Variants in BRIP1 observed in about 807,000 individuals in gnomAD.
BRIP1 encodes the protein Fanconi anemia group J protein.
A neutral mutation model predicts 119.7 loss-of-function variants in BRIP1; 88 were observed. The observed-to-expected ratio is 0.74, with a 90% CI of 0.62 to 0.88. The LOEUF (loss-of-function observed/expected upper bound fraction) is 0.88. Ranked by LOEUF, BRIP1 falls within the 40% of genes least tolerant of loss-of-function variation. The probability of loss-of-function intolerance (pLI) is 0.00; values close to 1 mark genes in which losing one functional copy is unlikely to be tolerated. For missense variants in BRIP1, 1,259 were observed against 1,455.4 expected, an observed-to-expected ratio of 0.87 and a Z score of 2.20; for synonymous variants, 443 against 496.5, an observed-to-expected ratio of 0.89 and a Z score of 1.43.
At position 61,825,846 on chromosome 17, in the gene BRIP1, C is replaced by T. The variant is rs909861984; in HGVS notation, c.628-17089G>A. On this transcript the variant is annotated intron_variant, in intron 6 of 19. Transcript: ENST00000259008. The surrounding 1 kb of genome is among the most constrained non-coding windows in gnomAD (Gnocchi z 4.1). ...TACTGCCCAAAGCAATTTACAGATT[C>T]AATGCTATTCCTATTAAACTACCAC... 6.6e-6 allele frequency among the ~76,000 whole-genome samples: 1 copy of T among 151,948 alleles called. No individual in the cohort carries two copies. Among genetic ancestry groups the T allele is most frequent in the Non-Finnish European group, 1.5e-5 (1 of 67,996 alleles).
rs1055514224 is a variant in BRIP1 at position 61,798,054 on chromosome 17, T to C, written c.1340+1046A>G. ...AATTCCACTTCTAAAAAGATTCCTA[T>C]AGATATATTTGCATACAAATGAAAT... On this transcript the variant is annotated intron_variant, in intron 9 of 19. Transcript: ENST00000259008. The surrounding 1 kb of genome is among the most constrained non-coding windows in gnomAD (Gnocchi z 5.5). Among the ~76,000 whole-genome samples, 15 of 152,024 alleles carry C rather than the reference T, an allele frequency of 9.9e-5. No homozygotes were observed. Among genetic ancestry groups the C allele is most frequent in the Non-Finnish European group, 1.6e-4 (11 of 67,904 alleles).
chr17:61,755,471 ACTGC>A lies in BRIP1; in HGVS notation c.2098-10884_2098-10881del. Among the ~76,000 whole-genome samples the A allele has an allele frequency of 6.6e-6, 1 of 152,138 alleles. No individual in the cohort carries two copies. Among genetic ancestry groups the A allele is most frequent in the African/African-American group, 2.4e-5 (1 of 41,436 alleles). On this transcript the variant is annotated intron_variant, in intron 14 of 19. Coordinates refer to ENST00000259008, the MANE Select transcript of BRIP1 (RefSeq NM_032043.3). This position sits in a 1 kb window ranked among gnomAD's most constrained non-coding sequence, Gnocchi z 4.5. ...TTACTCAGGAGGCTGAGGTGGGAGG[ACTGC>A]TTGAGCCCTGGAGGTTGAGGCTGCA...
At position 61,776,807 on chromosome 17, in the gene BRIP1, G is replaced by A. The variant is rs117632753; in HGVS notation, c.1936-245C>T. ...TTTGAAAGCAAAACAGGTTGTACCT[G>A]TCTCTGTTTACTTAATAGCTTTGCA... On this transcript the variant is annotated intron_variant, in intron 13 of 19. Coordinates refer to ENST00000259008, the MANE Select transcript of BRIP1 (RefSeq NM_032043.3). The surrounding 1 kb of genome is among the most constrained non-coding windows in gnomAD (Gnocchi z 5.0). Among the ~76,000 whole-genome samples, 218 of 152,258 alleles carry A rather than the reference G, an allele frequency of 1.4e-3. 2 individuals carry two copies. Among genetic ancestry groups the A allele is most frequent in the Non-Finnish European group, 2.6e-3 (175 of 68,024 alleles).
chr17:61,802,643 A>G lies in BRIP1; in HGVS notation c.919-1169T>C, dbSNP rs548963319. ...TAAGCATCTTTTCGTTGCTGCTCAT[A>G]TATGTACATTGAATTAATGTGCCAT... is the stretch of plus-strand genomic sequence containing the variant. On this transcript the variant is annotated intron_variant, in intron 7 of 19. Transcript: ENST00000259008. This position sits in a 1 kb window ranked among gnomAD's most constrained non-coding sequence, Gnocchi z 6.0. Among the ~76,000 whole-genome samples the G allele has an allele frequency of 6.6e-6, 1 of 152,308 alleles. No individual in the cohort carries two copies. The highest frequency in any genetic ancestry group is 1.9e-4 in the East Asian group (1 of 5,186).
Position 61,753,747 on chromosome 17 carries a change from A to G in BRIP1, c.2098-9156T>C, listed in dbSNP as rs1004992393. 7.2e-5 allele frequency among the ~76,000 whole-genome samples: 11 copies of G among 151,926 alleles called. No individual in the cohort carries two copies. Among genetic ancestry groups the G allele is most frequent in the African/African-American group, 2.7e-4 (11 of 41,332 alleles). ...CTCTCAAGTAGCTGGGACTACAGGT[A>G]TGCACTGCCATGTCTGGCTTGAAAA... On this transcript the variant is annotated intron_variant, in intron 14 of 19. Transcript: ENST00000259008. This position sits in a 1 kb window ranked among gnomAD's most constrained non-coding sequence, Gnocchi z 4.6.
rs1437254644 is a variant in BRIP1 at position 61,827,553 on chromosome 17, C to G, written c.628-18796G>C. Among the ~76,000 whole-genome samples the G allele has an allele frequency of 6.6e-6, 1 of 152,072 alleles. No homozygotes were observed. Among genetic ancestry groups the G allele is most frequent in the Non-Finnish European group, 1.5e-5 (1 of 68,006 alleles). On this transcript the variant is annotated intron_variant, in intron 6 of 19. Transcript: ENST00000259008. The surrounding 1 kb of genome is among the most constrained non-coding windows in gnomAD (Gnocchi z 5.8). ...GGCTAGCCTGGCCAACATGGTGAAA[C>G]CCCATCTCTATTAAAAATACAAAAA...
Position 61,820,949 on chromosome 17 carries a change from T to TA in BRIP1, c.628-12193dup, listed in dbSNP as rs779314068. ...TGGGCAACGAAGCGAGACTCTGTCTTAAAAAAAAAAAAAGAAAGAAAGAAA... is the reference window on the plus strand; with the variant it reads ...TGGGCAACGAAGCGAGACTCTGTCTTAAAAAAAAAAAAAAGAAAGAAAGAAA... On this transcript the variant is annotated intron_variant, in intron 6 of 19. Transcript: ENST00000259008. Among the ~76,000 whole-genome samples the TA allele has an allele frequency of 2.7e-3, 382 of 143,896 alleles. 4 individuals carry two copies. Among genetic ancestry groups the TA allele is most frequent in the Non-Finnish European group, 3.5e-3 (229 of 66,160 alleles). The allele number at this position is 143,896 out of a possible 152,430, so 94.4% of individuals were successfully genotyped here. A position where few individuals can be genotyped will look rare whatever the true frequency, so the allele number is the denominator to read the frequency against.
At position 61,738,509 on chromosome 17, in the gene BRIP1, A is replaced by C. The variant is rs2076947463; in HGVS notation, c.2379+4504T>G. On this transcript the variant is annotated intron_variant, in intron 16 of 19. Coordinates refer to ENST00000259008, the MANE Select transcript of BRIP1 (RefSeq NM_032043.3). This position sits in a 1 kb window ranked among gnomAD's most constrained non-coding sequence, Gnocchi z 4.2. ...GTTATTTTGCTGTTTTATGCACATA[A>C]GCAGAACTATGACAAATAGGATCAT... 1.3e-5 allele frequency among the ~76,000 whole-genome samples: 2 copies of C among 152,144 alleles called. No individual in the cohort carries two copies. The highest frequency in any genetic ancestry group is 6.6e-5 in the Admixed American group (1 of 15,266).
At position 61,688,484 on chromosome 17, in the gene BRIP1, C is replaced by CA. The variant is rs201219714; in HGVS notation, c.2576-2320dup. 1.1e-3 allele frequency among the ~76,000 whole-genome samples: 160 copies of CA among 149,662 alleles called. 1 individual carries two copies. Among genetic ancestry groups the CA allele is most frequent in the African/African-American group, 2.0e-3 (83 of 40,736 alleles). ...CGACAGAGTGAGACCTTGACCAAAACAAAAAAAAACCAAGCAAATATTTCT... is the reference window on the plus strand; with the variant it reads ...CGACAGAGTGAGACCTTGACCAAAACAAAAAAAAAACCAAGCAAATATTTCT... On this transcript the variant is annotated intron_variant, in intron 18 of 19. Coordinates refer to ENST00000259008, the MANE Select transcript of BRIP1 (RefSeq NM_032043.3).
At position 61,748,445 on chromosome 17, in the gene BRIP1, A is replaced by AT. The variant is rs1246185983; in HGVS notation, c.2098-3855dup. 1.3e-5 allele frequency among the ~76,000 whole-genome samples: 2 copies of AT among 152,174 alleles called. No homozygotes were observed. On this transcript the variant is annotated intron_variant, in intron 14 of 19. Transcript: ENST00000259008. The surrounding 1 kb of genome is among the most constrained non-coding windows in gnomAD (Gnocchi z 4.7). ...TAACTCCTATCAAAATCCCAATGAC[A>AT]TTTTTTACAGAAACAGAAAAAAATA... is the stretch of plus-strand genomic sequence containing the variant.
chr17:61,806,888 G>A lies in BRIP1; in HGVS notation c.918+1579C>T, dbSNP rs1340592175. On this transcript the variant is annotated intron_variant, in intron 7 of 19. Coordinates refer to ENST00000259008, the MANE Select transcript of BRIP1 (RefSeq NM_032043.3). The surrounding 1 kb of genome is among the most constrained non-coding windows in gnomAD (Gnocchi z 4.9). ...AATTTTTTGTATTTTTAGTAGAGAT[G>A]TGTTTTGCCATGTTGGCCAGGCCAG... Among the ~76,000 whole-genome samples the A allele has an allele frequency of 1.3e-5, 2 of 152,124 alleles. No homozygotes were observed. Among genetic ancestry groups the A allele is most frequent in the Non-Finnish European group, 2.9e-5 (2 of 68,000 alleles).
In BRIP1 at chr17:61,729,580, G is replaced by A. The variant is rs1164632662; in HGVS notation, c.2379+13433C>T. ...GAAAGTCACTGCCTGTCAGAAGCAG[G>A]GGCTAGAAGTGGGGTGCAGGCCAAA... On this transcript the variant is annotated intron_variant, in intron 16 of 19. Coordinates refer to ENST00000259008, the MANE Select transcript of BRIP1 (RefSeq NM_032043.3). This position sits in a 1 kb window ranked among gnomAD's most constrained non-coding sequence, Gnocchi z 5.6. Among the ~76,000 whole-genome samples the A allele has an allele frequency of 6.6e-6, 1 of 152,072 alleles. No individual in the cohort carries two copies. Among genetic ancestry groups the A allele is most frequent in the African/African-American group, 2.4e-5 (1 of 41,410 alleles).
At position 61,767,605 on chromosome 17, in the gene BRIP1, T is replaced by C. The variant is rs984608630; in HGVS notation, c.2097+8796A>G. 3.9e-5 allele frequency among the ~76,000 whole-genome samples: 6 copies of C among 152,216 alleles called. No individual in the cohort carries two copies. Among genetic ancestry groups the C allele is most frequent in the Middle Eastern group, 3.4e-3 (1 of 294 alleles). On this transcript the variant is annotated intron_variant, in intron 14 of 19. Coordinates refer to ENST00000259008, the MANE Select transcript of BRIP1 (RefSeq NM_032043.3). The surrounding 1 kb of genome is among the most constrained non-coding windows in gnomAD (Gnocchi z 5.7). ...CATATGTTTCTTTCTTTCTTTTTGA[T>C]TTTTAGTAGAGATGAGGTTTCACCA...
At chr17:61,692,127 T>C (rs1346900917) in intron 18 of BRIP1, among the ~76,000 whole-genome samples, 2 of 152,346 alleles carry the variant, frequency 1.3e-5, no homozygotes, top group East Asian at 1.9e-4. Context: ...GGTGCTATGA[T>C]TGTAGACTTT....
rs777606868 is a variant in BRIP1 at position 61,831,439 on chromosome 17, T to C, written c.627+15662A>G. On this transcript the variant is annotated intron_variant, in intron 6 of 19. Coordinates refer to ENST00000259008, the MANE Select transcript of BRIP1 (RefSeq NM_032043.3). This position sits in a 1 kb window ranked among gnomAD's most constrained non-coding sequence, Gnocchi z 4.1. Reference sequence around the variant, plus strand: ...TATACAAAAATGAATTCTACTTCTATAATAGTAATGAATAACTGGAAGGAA... The same window carrying C: ...TATACAAAAATGAATTCTACTTCTACAATAGTAATGAATAACTGGAAGGAA... Among the ~76,000 whole-genome samples the C allele has an allele frequency of 6.6e-6, 1 of 152,226 alleles. No homozygotes were observed. The highest frequency in any genetic ancestry group is 1.5e-5 in the Non-Finnish European group (1 of 68,024).
chr17:61,732,580 TAG>T (rs1452062083), intron 16 of BRIP1, among the ~76,000 whole-genome samples: 1 of 152,204 alleles, frequency 6.6e-6, no homozygotes, highest in Non-Finnish European at 1.5e-5. Context: ...ATTACTAGTG[TAG>T]AGACAGCATC....
At chr17:61,702,246 A>AGTTGTT (rs145898869) in intron 17 of BRIP1, among the ~76,000 whole-genome samples, 20 of 151,956 alleles carry the variant, frequency 1.3e-4, no homozygotes, top group African/African-American at 3.9e-4. Context: ...ATTGATCTAT[A>AGTTGTT]GTTGTTGTTG....
chr17:61,766,516 A>C (rs543476690), intron 14 of BRIP1, among the ~76,000 whole-genome samples: 1 of 152,302 alleles, frequency 6.6e-6, no homozygotes, highest in South Asian at 2.1e-4. Flanking sequence ...GGGAAAAAAA[A>C]CACTTTTTAA....
chr17:61,839,817 T>C (rs1413526565), intron 6 of BRIP1, among the ~76,000 whole-genome samples: 1 of 152,192 alleles, frequency 6.6e-6, no homozygotes, highest in Non-Finnish European at 1.5e-5. Context: ...AAATATGCAA[T>C]TTCTAGCTTA....
Sources: gnomAD v4.1 joint callset for allele counts (sites outside exome capture counted in the v4.1 genomes callset) on GRCh38, gnomAD v4.1.1 for gene constraint, Gnocchi (gnomAD v3.1) non-coding constraint, MANE v1.5 for transcripts, NCBI Gene and HGNC (gene_info 2026-07-23, HGNC 2026-07-21) for gene names.